The following SLC7A14 variants were observed in gnomAD, a reference collection of about 807,000 sequenced individuals.
The protein encoded by SLC7A14 is solute carrier family 7 member 14, also known as gamma-aminobutyric acid transporter SLC7A14.
SLC7A14 carries 37 observed loss-of-function variants against 60.2 expected under a neutral mutation model. The ratio of observed to expected loss-of-function variants is 0.61; its 90% CI spans 0.47 to 0.81. The LOEUF (loss-of-function observed/expected upper bound fraction) is 0.81, where lower values mean the gene tolerates loss of function less well. Ranked by LOEUF, SLC7A14 falls within the 30% of genes least tolerant of loss-of-function variation. The probability of loss-of-function intolerance (pLI) is 0.00; values close to 1 mark genes in which losing one functional copy is unlikely to be tolerated. For synonymous variants in SLC7A14, 399 were observed against 395.8 expected (o/e 1.01, Z -0.10); for missense variants, 886 against 982.7 (o/e 0.90, Z 1.32).
intron 1 of SLC7A14, among the ~76,000 whole-genome samples, chr3:170,557,706 T>C (rs1222818098): frequency 6.6e-6 from 1 of 152,160 alleles, no homozygotes. Context: ...TTTTGTAAAA[T>C]GGGGATAATA....
At chr3:170,479,026 G>A (rs1711722660) in intron 7 of SLC7A14, among the ~76,000 whole-genome samples, 1 of 152,168 alleles carries the variant, frequency 6.6e-6, no homozygotes, top group South Asian at 2.1e-4. Context: ...GGAGGCTGAG[G>A]CAGGAGAATT....
At chr3:170,483,610 CTGGAGGCAGAGGCTTGCATGGCAGTT>C in intron 5 of SLC7A14, 88 bp from the exon 6 acceptor site, 9 of 1,434,734 alleles carry the variant, frequency 6.3e-6, no homozygotes, top group Non-Finnish European at 8.8e-6. Context: ...AGCCCTGCCC[CTGGAGGCAGAGGCTTGCATGGCAGTT>C]TGGATCCATT....
At chr3:170,556,711 A>G (rs1714493407) in intron 1 of SLC7A14, among the ~76,000 whole-genome samples, 1 of 152,194 alleles carries the variant, frequency 6.6e-6, no homozygotes, top group Admixed American at 6.5e-5. Context: ...TGTTTTCTAC[A>G]TGTGTATTTT....
chr3:170,498,190 A>G (rs1382623147), intron 4 of SLC7A14, among the ~76,000 whole-genome samples: 1 of 152,190 alleles, frequency 6.6e-6, no homozygotes, highest in African/African-American at 2.4e-5. Flanking sequence ...ATAATTCTAT[A>G]GAACTGAGCT....
chr3:170,543,126 C>T (rs1438351007), intron 1 of SLC7A14, among the ~76,000 whole-genome samples: 1 of 152,146 alleles, frequency 6.6e-6, no homozygotes, highest in African/African-American at 2.4e-5. Flanking sequence ...CTTTGAGTCA[C>T]GTGTGGGGTT....
At position 170,461,705 on chromosome 3, in the gene SLC7A14, G is replaced by A. The variant is rs1417573387; in HGVS notation, c.*5350C>T. On this transcript the variant is annotated 3_prime_UTR_variant, in exon 8 of 8. Transcript: ENST00000231706. Reference sequence around the variant, plus strand: ...ACTGTTGAATTTCAAATACTCTTTCGTGGCCAGGCCACCACTGGTTACCTG... The same window carrying A: ...ACTGTTGAATTTCAAATACTCTTTCATGGCCAGGCCACCACTGGTTACCTG... 2 of 152,172 alleles carry A rather than the reference G, an allele frequency of 1.3e-5. No homozygotes were observed. The highest frequency in any genetic ancestry group is 2.1e-4 in the South Asian group (1 of 4,832). The allele number at this position is 152,172 out of a possible 1,614,324, so 9.4% of individuals were successfully genotyped here.
intron 1 of SLC7A14, among the ~76,000 whole-genome samples, chr3:170,530,548 CA>C (rs1281211313): frequency 6.6e-6 from 1 of 152,194 alleles, no homozygotes; most frequent in Non-Finnish European, 1.5e-5. Flanking sequence ...GCCAAGATAA[CA>C]GGGATGTGAT....
At chr3:170,555,070 A>G (rs1714451229) in intron 1 of SLC7A14, among the ~76,000 whole-genome samples, 1 of 152,040 alleles carries the variant, frequency 6.6e-6, no homozygotes, top group Admixed American at 6.6e-5. Context: ...CGGGAGGCTC[A>G]GGCAGGAGAA....
chr3:170,496,707 C>T, intron 4 of SLC7A14: 4 of 871,962 alleles, frequency 4.6e-6, no homozygotes, highest in Admixed American at 3.4e-5. Flanking sequence ...GTCTGAGTTC[C>T]GCCTATGGGG....
intron 7 of SLC7A14, among the ~76,000 whole-genome samples, chr3:170,472,906 C>T (rs1277820460): frequency 6.6e-6 from 1 of 152,116 alleles, no homozygotes; most frequent in Non-Finnish European, 1.5e-5. Flanking sequence ...AAGAATCATG[C>T]CTTTAGCAAT....
In SLC7A14 at chr3:170,476,475, C is replaced by T. The variant is rs189506087; in HGVS notation, c.1993+3814G>A. Among the ~76,000 whole-genome samples the T allele has an allele frequency of 3.3e-5, 5 of 152,232 alleles. No homozygotes were observed. In the East Asian group the frequency reaches 5.8e-4, roughly 18 times the overall value. The stretch of plus-strand genomic sequence containing the variant: ...GCAGGGTGGCATTCTTTTGAGTCAG[C>T]GAGTAGCAGTTTCTGGAGGGAGTTT... On this transcript the variant is annotated intron_variant, in intron 7 of 7. Coordinates refer to ENST00000231706, the MANE Select transcript of SLC7A14 (RefSeq NM_020949.3).
intron 1 of SLC7A14, among the ~76,000 whole-genome samples, chr3:170,561,734 CTA>C (rs768538994): frequency 6.6e-6 from 1 of 152,142 alleles, no homozygotes; most frequent in Non-Finnish European, 1.5e-5. Flanking sequence ...TCTTCACAAT[CTA>C]TACACCTGGC....
intron 1 of SLC7A14, among the ~76,000 whole-genome samples, chr3:170,576,271 C>T (rs1577575268): frequency 6.6e-6 from 1 of 152,310 alleles, no homozygotes; most frequent in South Asian, 2.1e-4. Flanking sequence ...TGTCTCATAT[C>T]CAGTGCCTAG....
At chr3:170,549,069 A>G (rs1386913852) in intron 1 of SLC7A14, among the ~76,000 whole-genome samples, 1 of 152,186 alleles carries the variant, frequency 6.6e-6, no homozygotes, top group Admixed American at 6.5e-5. Context: ...ATATTTTCAC[A>G]TTTGATTATC....
At chr3:170,561,050 C>T (rs1714635179) in intron 1 of SLC7A14, among the ~76,000 whole-genome samples, 1 of 152,182 alleles carries the variant, frequency 6.6e-6, no homozygotes, top group Admixed American at 6.5e-5. Flanking sequence ...ACTCCTTCTT[C>T]CCCTCACCCT....
chr3:170,517,958 A>G (rs752882581), intron 2 of SLC7A14, among the ~76,000 whole-genome samples: 1 of 152,224 alleles, frequency 6.6e-6, no homozygotes, highest in Admixed American at 6.5e-5. Context: ...TTATTAATTC[A>G]CAACTATGAG....
In SLC7A14 at chr3:170,567,711, T is replaced by A. The variant is rs1227697811; in HGVS notation, c.-153+18200A>T. On this transcript the variant is annotated intron_variant, in intron 1 of 7. Transcript: ENST00000231706. ...TTAATGATTGCCATTCTAAGTGGTGTGAGATGGTATCTCATTGTGGTTTTG... is the reference window on the plus strand; with the variant it reads ...TTAATGATTGCCATTCTAAGTGGTGAGAGATGGTATCTCATTGTGGTTTTG... Among the ~76,000 whole-genome samples, 6 of 152,156 alleles carry A rather than the reference T, an allele frequency of 3.9e-5. No homozygotes were observed. In the South Asian group the frequency reaches 1.2e-3, roughly 32 times the overall value.
Position 170,498,694 on chromosome 3 carries a change from G to A in SLC7A14, c.732C>T (p.Gly244=). ...FFINGKYWAE[G]QFLPHGWSGV... ...CTGACCAGCCGTGGGGCAAGAACTGGCCCTCCGCCCAGTATTTCCCATTGA... is the reference window on the plus strand; with the variant it reads ...CTGACCAGCCGTGGGGCAAGAACTGACCCTCCGCCCAGTATTTCCCATTGA... The change falls in exon 4 of 8, where the codon GGC becomes GGT. Residue 244 remains glycine, a synonymous_variant. Coordinates refer to ENST00000231706, the MANE Select transcript of SLC7A14 (RefSeq NM_020949.3). 6.2e-7 allele frequency: 1 copy of A among 1,614,142 alleles called. No homozygotes were observed. Among genetic ancestry groups the A allele is most frequent in the Non-Finnish European group, 8.5e-7 (1 of 1,180,014 alleles).
Position 170,532,583 on chromosome 3 carries a change from G to A in SLC7A14, c.-152-5495C>T, listed in dbSNP as rs1297971961. Among the ~76,000 whole-genome samples, 2 of 152,332 alleles carry A rather than the reference G, an allele frequency of 1.3e-5. No homozygotes were observed. Among genetic ancestry groups the A allele is most frequent in the Admixed American group, 6.5e-5 (1 of 15,308 alleles). On this transcript the variant is annotated intron_variant, in intron 1 of 7. Transcript: ENST00000231706. This position sits in a 1 kb window ranked among gnomAD's most constrained non-coding sequence, Gnocchi z 4.0. ...TGGTGAGGAGTGGAAGAGCTAATAC[G>A]TGTAGAGCTTTTAGTACCGCGCCTG...
Sources: allele counts gnomAD v4.1 joint callset (sites outside exome capture counted in the v4.1 genomes callset), GRCh38; gene constraint gnomAD v4.1.1; non-coding constraint Gnocchi (gnomAD v3.1); transcripts MANE v1.5; gene names NCBI Gene and HGNC (gene_info 2026-07-23, HGNC 2026-07-21).